The following AGBL1 variants were observed in gnomAD, a reference collection of about 807,000 sequenced individuals.
AGBL1 encodes the protein cytosolic carboxypeptidase 4.
A neutral mutation model predicts 118.9 loss-of-function variants in AGBL1; 130 were observed. That is an observed-to-expected ratio of 1.09 (90% confidence interval 0.95 to 1.26). AGBL1 has a LOEUF of 1.26. Among genes scored for constraint, AGBL1 ranks in the 50% most tolerant of loss-of-function variants. AGBL1 has a pLI of 0.00. For synonymous variants in AGBL1, 555 were observed against 478.9 expected, an observed-to-expected ratio of 1.16 and a Z score of -2.08; for missense variants, 1,584 against 1,298.1, an observed-to-expected ratio of 1.22 and a Z score of -3.38.
rs570757019 is a variant in AGBL1 at position 86,149,465 on chromosome 15, A to G, written c.263-4965A>G. The stretch of plus-strand genomic sequence containing the variant: ...AAGCAAATGGAAAGCAAAAAAAAGC[A>G]GGGGTTGCAGTCCTAGTCTCCAATA... On this transcript the variant is annotated intron_variant, in intron 3 of 22. Transcript: ENST00000614907. Among the ~76,000 whole-genome samples the G allele has an allele frequency of 2.6e-5, 4 of 152,338 alleles. No homozygotes were observed. In the South Asian group the frequency reaches 8.3e-4, roughly 32 times the overall value.
intron 21 of AGBL1, among the ~76,000 whole-genome samples, chr15:86,591,523 G>A (rs953350815): frequency 6.6e-6 from 1 of 152,114 alleles, no homozygotes; most frequent in Non-Finnish European, 1.5e-5. Flanking sequence ...TTGCTAAATT[G>A]GCTCACAGAA....
At chr15:86,926,312 TG>T (rs1422650140) in intron 23 of AGBL1, among the ~76,000 whole-genome samples, 1 of 152,240 alleles carries the variant, frequency 6.6e-6, no homozygotes, top group East Asian at 1.9e-4. Flanking sequence ...AAATCTTTTC[TG>T]AACAAAATGA....
chr15:86,797,661 A>C (rs902203005), intron 22 of AGBL1, among the ~76,000 whole-genome samples: 10 of 152,166 alleles, frequency 6.6e-5, no homozygotes, highest in African/African-American at 2.4e-4. Flanking sequence ...GAGTGTCTGC[A>C]GGAAAAAAAG....
At chr15:86,584,131 G>A (rs2084213195) in intron 21 of AGBL1, among the ~76,000 whole-genome samples, 1 of 152,074 alleles carries the variant, frequency 6.6e-6, no homozygotes, top group Non-Finnish European at 1.5e-5. Context: ...CCATTCCCTA[G>A]GTTGTCTGTT....
chr15:86,412,386 T>C (rs972891496), intron 18 of AGBL1, among the ~76,000 whole-genome samples: 7 of 152,248 alleles, frequency 4.6e-5, no homozygotes, highest in African/African-American at 1.7e-4. Context: ...TCATGACTAT[T>C]ATCCTATTTC....
chr15:86,275,882 C>T (rs192636182), intron 15 of AGBL1, among the ~76,000 whole-genome samples: 1 of 152,238 alleles, frequency 6.6e-6, no homozygotes, highest in Admixed American at 6.5e-5. Context: ...TCATTAATGG[C>T]GTGACCTTGG....
chr15:86,745,757 C>T (rs186698000), intron 22 of AGBL1, among the ~76,000 whole-genome samples: 1 of 152,160 alleles, frequency 6.6e-6, no homozygotes, highest in East Asian at 1.9e-4. Flanking sequence ...TACTGGTAGC[C>T]AGTCATTATT....
chr15:86,381,351 T>C (rs1458049308), intron 17 of AGBL1, among the ~76,000 whole-genome samples: 14 of 152,220 alleles, frequency 9.2e-5, no homozygotes, highest in Admixed American at 9.2e-4. Flanking sequence ...TTCTATTTTT[T>C]GGACAATTAA....
intron 19 of AGBL1, among the ~76,000 whole-genome samples, chr15:86,538,488 T>C (rs1037315765): frequency 2.6e-5 from 4 of 152,192 alleles, no homozygotes; most frequent in Non-Finnish European, 5.9e-5. Flanking sequence ...ACCAATATCA[T>C]TTCCCTCAAA....
intron 6 of AGBL1, among the ~76,000 whole-genome samples, chr15:86,246,036 C>A (rs1428913646): frequency 1.3e-5 from 2 of 152,158 alleles, no homozygotes; most frequent in East Asian, 3.9e-4. Context: ...CAGGTGCAAG[C>A]CACCACATTT....
chr15:86,701,395 C>A (rs1426694900), intron 22 of AGBL1, among the ~76,000 whole-genome samples: 4 of 151,916 alleles, frequency 2.6e-5, no homozygotes, highest in Middle Eastern at 3.2e-3. Flanking sequence ...TTCTGGAAAT[C>A]CTTCATAAAT....
chr15:86,865,756 A>G (rs992500991), intron 22 of AGBL1, among the ~76,000 whole-genome samples: 6 of 151,932 alleles, frequency 3.9e-5, no homozygotes, highest in Non-Finnish European at 7.4e-5. Flanking sequence ...ATTTTTTCCC[A>G]GTCCCTCATC....
chr15:86,674,119 A>G (rs977774833), intron 21 of AGBL1, among the ~76,000 whole-genome samples, 154 bp from the exon 22 acceptor site: 2 of 152,182 alleles, frequency 1.3e-5, no homozygotes, highest in Non-Finnish European at 2.9e-5. Flanking sequence ...CACAATGCAC[A>G]CAACAGAATG....
chr15:87,018,983 C>G (rs1302023853), intron 24 of AGBL1, among the ~76,000 whole-genome samples: 2 of 151,086 alleles, frequency 1.3e-5, no homozygotes. Context: ...TTGTTTCTGA[C>G]AAAAGAGACT....
chr15:86,192,687 A>C (rs1464023238), intron 5 of AGBL1, among the ~76,000 whole-genome samples: 2 of 152,242 alleles, frequency 1.3e-5, no homozygotes, highest in African/African-American at 4.8e-5. Flanking sequence ...AAATAACTTA[A>C]AAATTGAACC....
intron 22 of AGBL1, among the ~76,000 whole-genome samples, chr15:86,682,599 A>C (rs1162268029): frequency 6.6e-6 from 1 of 152,128 alleles, no homozygotes; most frequent in East Asian, 1.9e-4. Flanking sequence ...AATATTACTC[A>C]AGACAATAAA....
At chr15:86,622,046 A>T (rs1251861184) in intron 21 of AGBL1, among the ~76,000 whole-genome samples, 1 of 152,146 alleles carries the variant, frequency 6.6e-6, no homozygotes, top group Non-Finnish European at 1.5e-5. Flanking sequence ...GAAAGGGGTC[A>T]GCCAGGTGTA....
At position 86,538,442 on chromosome 15, in the gene AGBL1, T is replaced by C. The variant is rs993461465; in HGVS notation, c.2686-7560T>C. ...ATAAAAAGACTAGGAAATGTGGTCT[T>C]GCAAATTGGCCTCTTGGAAGGTAGC... On this transcript the variant is annotated intron_variant, in intron 19 of 22. Transcript: ENST00000614907. Among the ~76,000 whole-genome samples the C allele has an allele frequency of 7.9e-5, 12 of 152,234 alleles. No individual in the cohort carries two copies. The East Asian group carries it at 2.3e-3, about 29-fold the overall frequency.
chr15:86,929,786 C>A (rs2080583780), intron 23 of AGBL1, among the ~76,000 whole-genome samples: 1 of 152,194 alleles, frequency 6.6e-6, no homozygotes, highest in Admixed American at 6.5e-5. Context: ...TCTTTATGAT[C>A]ATTGACATTC....
Sources: allele counts gnomAD v4.1 joint callset (sites outside exome capture counted in the v4.1 genomes callset), GRCh38; gene constraint gnomAD v4.1.1; transcripts MANE v1.5; gene names NCBI Gene and HGNC (gene_info 2026-07-23, HGNC 2026-07-21).